The following PTGIS variants were observed in gnomAD, a reference collection of about 807,000 sequenced individuals.
PTGIS encodes prostacyclin synthase.
Under a neutral mutation model 50.3 loss-of-function variants are expected in PTGIS, and 45 were observed. The ratio of observed to expected loss-of-function variants is 0.90; its 90% CI spans 0.70 to 1.15. PTGIS has a LOEUF of 1.15. PTGIS is among the 50% of genes most tolerant of loss of function. The probability of loss-of-function intolerance (pLI) is 0.00; values close to 1 mark genes in which losing one functional copy is unlikely to be tolerated. For missense variants in PTGIS, 668 were observed against 661.3 expected (o/e 1.01, Z -0.11); for synonymous variants, 260 against 267.7 (o/e 0.97, Z 0.28).
At chr20:49,533,864 G>A (rs1403326952) in intron 5 of PTGIS, among the ~76,000 whole-genome samples, 2 of 152,148 alleles carry the variant, frequency 1.3e-5, no homozygotes, top group Admixed American at 6.5e-5. Context: ...GGGGGGCTGA[G>A]GCAGGAGAAT....
intron 5 of PTGIS, among the ~76,000 whole-genome samples, chr20:49,527,611 A>G (rs183648424): frequency 5.6e-4 from 86 of 152,314 alleles, no homozygotes; most frequent in Admixed American, 1.2e-3. Flanking sequence ...CAGGTGGGGA[A>G]TTATTGTTTA....
In PTGIS at chr20:49,559,600, G is replaced by A. The variant is rs1373745986; in HGVS notation, c.74+8443C>T. 4.6e-5 allele frequency among the ~76,000 whole-genome samples: 7 copies of A among 152,282 alleles called. No homozygotes were observed. The South Asian group carries it at 1.0e-3, about 23-fold the overall frequency. On this transcript the variant is annotated intron_variant, in intron 1 of 9. Coordinates refer to ENST00000244043, the MANE Select transcript of PTGIS (RefSeq NM_000961.4). ...ACAGAATGTGGTGTATCAATGCCAC[G>A]AAACGTTACTCAGCCACAAAAAGGA...
At chr20:49,512,582 AT>A (rs1981353944) in intron 8 of PTGIS, among the ~76,000 whole-genome samples, 1 of 152,202 alleles carries the variant, frequency 6.6e-6, no homozygotes, top group African/African-American at 2.4e-5. Context: ...TAAACACCCA[AT>A]CTGTTAGCAA....
intron 1 of PTGIS, among the ~76,000 whole-genome samples, chr20:49,561,142 T>TC (rs1385811108): frequency 6.6e-6 from 1 of 152,102 alleles, no homozygotes; most frequent in Admixed American, 6.5e-5. Context: ...CTTCTCTTCC[T>TC]CCTTTCCCCC....
At chr20:49,533,851 C>T (rs1981997710) in intron 5 of PTGIS, among the ~76,000 whole-genome samples, 1 of 152,100 alleles carries the variant, frequency 6.6e-6, no homozygotes. Context: ...ATCCCAGCTA[C>T]TCGGGGGGCT....
intron 3 of PTGIS, among the ~76,000 whole-genome samples, chr20:49,545,552 A>T (rs1202155665): frequency 6.6e-6 from 1 of 152,092 alleles, no homozygotes; most frequent in Non-Finnish European, 1.5e-5. Flanking sequence ...CGTCTGGAAG[A>T]GTGTGGCAGA....
intron 7 of PTGIS, 95 bp from the exon 8 acceptor site, chr20:49,513,356 G>A: frequency 7.1e-7 from 1 of 1,403,174 alleles, no homozygotes; most frequent in Non-Finnish European, 9.8e-7. Context: ...AAGATGAAGA[G>A]GCTCAGAGAG....
At chr20:49,565,411 G>A (rs1232262415) in intron 1 of PTGIS, among the ~76,000 whole-genome samples, 1 of 152,164 alleles carries the variant, frequency 6.6e-6, no homozygotes, top group Non-Finnish European at 1.5e-5. Context: ...GTTCACACCG[G>A]TAATTCCAGC....
At chr20:49,536,907 G>A (rs2067426495) in intron 5 of PTGIS, among the ~76,000 whole-genome samples, 1 of 152,152 alleles carries the variant, frequency 6.6e-6, no homozygotes, top group South Asian at 2.1e-4. Flanking sequence ...GCTGGGAGGG[G>A]GAGCTGGTAA....
intron 2 of PTGIS, among the ~76,000 whole-genome samples, chr20:49,549,574 A>C (rs1385514326): frequency 3.9e-5 from 6 of 151,906 alleles, no homozygotes. Context: ...CTGGGCAGAC[A>C]CATGAAGGGA....
At chr20:49,525,106 C>T (rs1261435510) in intron 5 of PTGIS, among the ~76,000 whole-genome samples, 3 of 152,192 alleles carry the variant, frequency 2.0e-5, no homozygotes, top group African/African-American at 7.2e-5. Context: ...CAGCAACAAC[C>T]TAACTGGCAG....
intron 9 of PTGIS, 57 bp from the exon 10 acceptor site, chr20:49,508,121 G>C: frequency 6.2e-7 from 1 of 1,600,358 alleles, no homozygotes. Flanking sequence ...GGGGTTATCG[G>C]GAACAAGGCA....
chr20:49,566,670 T>C (rs1982907569), intron 1 of PTGIS, among the ~76,000 whole-genome samples: 1 of 152,218 alleles, frequency 6.6e-6, no homozygotes, highest in Non-Finnish European at 1.5e-5. Flanking sequence ...AAACTAACTC[T>C]CTCTTACGTG....
At chr20:49,553,649 T>A (rs1245930830) in intron 1 of PTGIS, among the ~76,000 whole-genome samples, 1 of 151,962 alleles carries the variant, frequency 6.6e-6, no homozygotes, top group African/African-American at 2.4e-5. Flanking sequence ...AAAAGTGTTC[T>A]TATTAAAAGG....
chr20:49,543,816 T>C (rs922264237), intron 4 of PTGIS, among the ~76,000 whole-genome samples: 23 of 152,170 alleles, frequency 1.5e-4, no homozygotes, highest in African/African-American at 5.5e-4. Flanking sequence ...CACTGGAGTG[T>C]CAGCTGTGTG....
In PTGIS at chr20:49,513,103, G is replaced by C. The variant is rs1436838595; in HGVS notation, c.1183C>G (p.Pro395Ala). 3.7e-6 allele frequency: 6 copies of C among 1,606,628 alleles called. No individual in the cohort carries two copies. The African/African-American group carries it at 5.5e-5, about 15-fold the overall frequency. The change falls in exon 8 of 10, where the codon CCA (proline) becomes GCA (alanine). Residue 395 changes from proline to alanine, a missense_variant. Physicochemically the swap from Pro to Ala is conservative, Grantham distance 27. Transcript: ENST00000244043. ...ACCTCTGGGTCTGTGTAGATTTCTG[G>C]GTCTCTCTGGGGGCTCAGGAAGGGG... ...LFPFLSPQRD[P>A]EIYTDPEVFK...
chr20:49,562,643 C>T (rs139359194), intron 1 of PTGIS, among the ~76,000 whole-genome samples: 238 of 152,338 alleles, frequency 1.6e-3, no homozygotes, highest in African/African-American at 5.6e-3. Flanking sequence ...CCATCCCCGG[C>T]TCCTGCCCAC....
chr20:49,560,288 C>T (rs1003295486), intron 1 of PTGIS, among the ~76,000 whole-genome samples: 21 of 151,934 alleles, frequency 1.4e-4, no homozygotes, highest in African/African-American at 4.1e-4. Flanking sequence ...TAACCTCAAA[C>T]GTTTGGACTC....
chr20:49,546,102 G>T (rs1028945289), intron 3 of PTGIS, among the ~76,000 whole-genome samples: 4 of 152,150 alleles, frequency 2.6e-5, no homozygotes, highest in Non-Finnish European at 5.9e-5. Context: ...ATGGGATCTG[G>T]CCTTCAATGG....
Sources: allele counts gnomAD v4.1 joint callset (sites outside exome capture counted in the v4.1 genomes callset), GRCh38; gene constraint gnomAD v4.1.1; transcripts MANE v1.5; gene names NCBI Gene and HGNC (gene_info 2026-07-23, HGNC 2026-07-21).